Variants in PPP1R14C observed in about 807,000 individuals in gnomAD.
The protein encoded by PPP1R14C is protein phosphatase 1 regulatory subunit 14C.
In PPP1R14C, 16 loss-of-function variants were observed where a neutral mutation model predicts 20.4. That is an observed-to-expected ratio of 0.78 (90% CI 0.53 to 1.19). The LOEUF is 1.19. Ranked by LOEUF, PPP1R14C falls within the 50% of genes most tolerant of loss-of-function variation. The pLI, the probability that PPP1R14C is intolerant of heterozygous loss-of-function variation, is 0.00. For synonymous variants in PPP1R14C, 91 were observed against 91.0 expected, an observed-to-expected ratio of 1.00 and a Z score of 0.00; for missense variants, 211 against 220.1, an observed-to-expected ratio of 0.96 and a Z score of 0.26.
At chr6:150,207,772 A>C (rs539961110) in intron 1 of PPP1R14C, among the ~76,000 whole-genome samples, 16 of 152,192 alleles carry the variant, frequency 1.1e-4, no homozygotes, top group Middle Eastern at 3.2e-3. Context: ...GTATACAGAA[A>C]ATAAATTTAT....
intron 1 of PPP1R14C, among the ~76,000 whole-genome samples, chr6:150,188,699 G>A (rs1433244965): frequency 1.3e-5 from 2 of 151,440 alleles, no homozygotes; most frequent in East Asian, 3.9e-4. Flanking sequence ...TGTTAGCCAG[G>A]ATGGTCTTGA....
At chr6:150,170,316 AC>A (rs1218142470) in intron 1 of PPP1R14C, among the ~76,000 whole-genome samples, 1 of 147,210 alleles carries the variant, frequency 6.8e-6, no homozygotes, top group Non-Finnish European at 1.5e-5. Context: ...TGTGCTAGTT[AC>A]TTTTTTTTTT....
chr6:150,209,720 T>C (rs1777997655), intron 1 of PPP1R14C, among the ~76,000 whole-genome samples: 1 of 151,698 alleles, frequency 6.6e-6, no homozygotes, highest in Admixed American at 6.6e-5. Context: ...TGTGAGCGTA[T>C]GAGTAGTGTG....
intron 1 of PPP1R14C, among the ~76,000 whole-genome samples, chr6:150,178,480 G>A (rs532786930): frequency 5.9e-5 from 9 of 152,340 alleles, no homozygotes; most frequent in South Asian, 2.1e-4. Flanking sequence ...CTCCTAATAT[G>A]CAGGGCCAGC....
At chr6:150,225,059 C>A (rs1466417288) in intron 3 of PPP1R14C, among the ~76,000 whole-genome samples, 2 of 151,810 alleles carry the variant, frequency 1.3e-5, no homozygotes, top group Non-Finnish European at 2.9e-5. Flanking sequence ...TCCCTTCCCC[C>A]AGGTCACTCA....
chr6:150,174,251 C>G (rs552856137), intron 1 of PPP1R14C, among the ~76,000 whole-genome samples: 74 of 152,178 alleles, frequency 4.9e-4, no homozygotes, highest in East Asian at 2.1e-3. Context: ...TATGAGTCTC[C>G]CTCTGTCGCC....
chr6:150,171,807 T>C (rs912819428), intron 1 of PPP1R14C, among the ~76,000 whole-genome samples: 4 of 152,166 alleles, frequency 2.6e-5, no homozygotes, highest in South Asian at 2.1e-4. Flanking sequence ...CATTTCTTTT[T>C]TTCTTTTTTC....
chr6:150,162,900 C>T (rs1385145877), intron 1 of PPP1R14C, among the ~76,000 whole-genome samples: 2 of 152,100 alleles, frequency 1.3e-5, no homozygotes, highest in African/African-American at 4.8e-5. Flanking sequence ...GGAAGGGCTT[C>T]TTTGAGGAAG....
At chr6:150,178,547 A>G (rs1327307270) in intron 1 of PPP1R14C, among the ~76,000 whole-genome samples, 1 of 152,258 alleles carries the variant, frequency 6.6e-6, no homozygotes, top group Non-Finnish European at 1.5e-5. Context: ...TTCTAGACCT[A>G]TAGACCTATG....
chr6:150,233,174 G>T (rs1778313451), intron 3 of PPP1R14C, among the ~76,000 whole-genome samples: 1 of 152,174 alleles, frequency 6.6e-6, no homozygotes, highest in African/African-American at 2.4e-5. Context: ...CAAGGGGCCT[G>T]GGAACAGAGC....
At chr6:150,190,714 C>T (rs911384614) in intron 1 of PPP1R14C, among the ~76,000 whole-genome samples, 1 of 152,154 alleles carries the variant, frequency 6.6e-6, no homozygotes, top group Non-Finnish European at 1.5e-5. Context: ...GGTGAGCCAC[C>T]ACACCCAGCG....
chr6:150,235,282 A>T (rs1379856991), intron 3 of PPP1R14C, among the ~76,000 whole-genome samples: 1 of 152,098 alleles, frequency 6.6e-6, no homozygotes, highest in Non-Finnish European at 1.5e-5. Flanking sequence ...TAGAGATGGG[A>T]TCTCGCTTTA....
At chr6:150,160,569 A>T (rs1380729460) in intron 1 of PPP1R14C, among the ~76,000 whole-genome samples, 1 of 151,604 alleles carries the variant, frequency 6.6e-6, no homozygotes, top group Non-Finnish European at 1.5e-5. Flanking sequence ...CACCGCGCCC[A>T]GTAGCTCATT....
In PPP1R14C at chr6:150,196,204, A is replaced by G. The variant is rs775467731; in HGVS notation, c.307-18540A>G. On this transcript the variant is annotated intron_variant, in intron 1 of 3. Transcript: ENST00000361131. ...TGGAACAGCCTAGAAACTGGCAAAG[A>G]TTTATGGTCATTGAGGGCAACTGGG... The G allele has an allele frequency of 7.2e-6, 6 of 830,252 alleles. No individual in the cohort carries two copies. In the African/African-American group the frequency reaches 9.3e-5, roughly 13 times the overall value. The allele number at this position is 830,252 out of a possible 1,614,324, so 51.4% of individuals were successfully genotyped here.
At chr6:150,207,399 G>A (rs1051660513) in intron 1 of PPP1R14C, among the ~76,000 whole-genome samples, 1 of 152,212 alleles carries the variant, frequency 6.6e-6, no homozygotes, top group East Asian at 1.9e-4. Context: ...ATGGGTGCCC[G>A]GTGGGGCTGG....
At chr6:150,162,837 A>G (rs1175286676) in intron 1 of PPP1R14C, among the ~76,000 whole-genome samples, 5 of 152,194 alleles carry the variant, frequency 3.3e-5, no homozygotes, top group Non-Finnish European at 7.3e-5. Context: ...CTAGGAAAAA[A>G]ATAAAGCTAA....
intron 1 of PPP1R14C, among the ~76,000 whole-genome samples, chr6:150,200,226 C>A (rs1021934909): frequency 6.6e-6 from 1 of 151,706 alleles, no homozygotes; most frequent in Non-Finnish European, 1.5e-5. Context: ...CACACACACA[C>A]AACACACACA....
chr6:150,183,575 G>A (rs1390020476), intron 1 of PPP1R14C, among the ~76,000 whole-genome samples: 3 of 151,542 alleles, frequency 2.0e-5, no homozygotes, highest in Non-Finnish European at 2.9e-5. Flanking sequence ...GCAAAGGTGC[G>A]ATCTCGGCTC....
intron 1 of PPP1R14C, among the ~76,000 whole-genome samples, chr6:150,202,976 A>G (rs1397290795): frequency 6.6e-6 from 1 of 152,128 alleles, no homozygotes; most frequent in Non-Finnish European, 1.5e-5. Flanking sequence ...TTTTCTTAAC[A>G]TCTTGCATTA....
Sources: allele counts gnomAD v4.1 joint callset (sites outside exome capture counted in the v4.1 genomes callset), GRCh38; gene constraint gnomAD v4.1.1; transcripts MANE v1.5; gene names NCBI Gene and HGNC (gene_info 2026-07-23, HGNC 2026-07-21).